The following KAT6B variants were observed in gnomAD, a reference collection of about 807,000 sequenced individuals.
KAT6B encodes the protein lysine acetyltransferase 6B.
In KAT6B, 10 loss-of-function variants were observed where a neutral mutation model predicts 187.5. The observed-to-expected ratio is 0.05, with a 90% CI of 0.03 to 0.09. KAT6B has a LOEUF of 0.09. Among genes scored for constraint, KAT6B ranks in the 10% least tolerant of loss-of-function variants. The pLI is 1.00. For missense variants in KAT6B, 1,952 were observed against 2,558.9 expected (o/e 0.76, Z 5.12); for synonymous variants, 861 against 926.8 (o/e 0.93, Z 1.29).
At chr10:75,003,925 A>C (rs915773775) in intron 13 of KAT6B, among the ~76,000 whole-genome samples, 2 of 152,186 alleles carry the variant, frequency 1.3e-5, no homozygotes, top group Non-Finnish European at 2.9e-5. Context: ...AATAGTTTGT[A>C]TTCATTGCCT....
At chr10:74,839,065 A>AT (rs1841530841) in intron 2 of KAT6B, among the ~76,000 whole-genome samples, 1 of 151,578 alleles carries the variant, frequency 6.6e-6, no homozygotes, top group Non-Finnish European at 1.5e-5. Flanking sequence ...AGGCAGGAGA[A>AT]TTGCTTGAAT....
intron 13 of KAT6B, among the ~76,000 whole-genome samples, chr10:74,993,595 A>G (rs1843245347): frequency 6.6e-6 from 1 of 152,232 alleles, no homozygotes; most frequent in Non-Finnish European, 1.5e-5. Context: ...GCGAGATTAT[A>G]CTGATGTTCT....
intron 3 of KAT6B, among the ~76,000 whole-genome samples, chr10:74,853,993 T>C (rs1842659490): frequency 6.6e-6 from 1 of 152,178 alleles, no homozygotes; most frequent in Admixed American, 6.6e-5. Flanking sequence ...TTGTTTTGTT[T>C]ATAAACTTCC....
At chr10:74,834,097 C>T (rs1841084054) in intron 1 of KAT6B, among the ~76,000 whole-genome samples, 1 of 152,118 alleles carries the variant, frequency 6.6e-6, no homozygotes, top group Non-Finnish European at 1.5e-5. Flanking sequence ...ATGTGCATGC[C>T]CTTCCCTGTG....
At chr10:74,836,762 A>G (rs1015197036) in intron 1 of KAT6B, among the ~76,000 whole-genome samples, 1 of 152,282 alleles carries the variant, frequency 6.6e-6, no homozygotes, top group Middle Eastern at 3.4e-3. Context: ...TCCCCTAAAC[A>G]GTTCTGTTCT....
intron 3 of KAT6B, among the ~76,000 whole-genome samples, chr10:74,959,035 T>TATTAATAAATAAATAA (rs1554833100): frequency 6.9e-6 from 1 of 144,440 alleles, no homozygotes; most frequent in African/African-American, 2.7e-5. Context: ...AGACTCTGTC[T>TATTAATAAATAAATAA]ATAAATAAAT....
intron 12 of KAT6B, 51 bp downstream of exon 12, chr10:74,985,292 G>T (rs1254038247): frequency 6.4e-7 from 1 of 1,569,640 alleles, no homozygotes; most frequent in South Asian, 1.1e-5. Flanking sequence ...AATGTTTTTG[G>T]TAGAGCCCAA....
intron 13 of KAT6B, among the ~76,000 whole-genome samples, chr10:75,011,615 A>G (rs1233427589): frequency 6.6e-6 from 1 of 152,200 alleles, no homozygotes; most frequent in Non-Finnish European, 1.5e-5. Flanking sequence ...AGAGTATAAC[A>G]TCTCTCATTC....
chr10:74,911,764 G>T (rs1040277892), intron 3 of KAT6B, among the ~76,000 whole-genome samples: 3 of 151,878 alleles, frequency 2.0e-5, no homozygotes, highest in Non-Finnish European at 2.9e-5. Flanking sequence ...GAATGTTAGT[G>T]TATTGTGTTT....
At chr10:74,958,031 T>C (rs1241298532) in intron 3 of KAT6B, among the ~76,000 whole-genome samples, 1 of 152,220 alleles carries the variant, frequency 6.6e-6, no homozygotes, top group Non-Finnish European at 1.5e-5. Flanking sequence ...GTGCATATTA[T>C]AAGAACAAAT....
chr10:75,017,897 A>G (rs976705293), intron 13 of KAT6B, among the ~76,000 whole-genome samples: 1 of 152,174 alleles, frequency 6.6e-6, no homozygotes, highest in Non-Finnish European at 1.5e-5. Flanking sequence ...GATCGTTTTG[A>G]TGGATTCTGT....
chr10:75,006,995 G>A lies in KAT6B; in HGVS notation c.2630-13587G>A, dbSNP rs542350900. On this transcript the variant is annotated intron_variant, in intron 13 of 17. Coordinates refer to ENST00000287239, the MANE Select transcript of KAT6B (RefSeq NM_012330.4). ...AGGCAGGAGCATCCCTTGAACCCGG[G>A]AGGCGGAGGTTGCAGTGAGCTGAGA... Among the ~76,000 whole-genome samples, 4 of 151,384 alleles carry A rather than the reference G, an allele frequency of 2.6e-5. No individual in the cohort carries two copies. In the South Asian group the frequency reaches 8.4e-4, roughly 32 times the overall value.
At chr10:74,988,560 T>G (rs1842949878) in intron 12 of KAT6B, among the ~76,000 whole-genome samples, 1 of 152,268 alleles carries the variant, frequency 6.6e-6, no homozygotes, top group African/African-American at 2.4e-5. Context: ...TTAGTTTCAC[T>G]GGGACATTTG....
chr10:75,010,805 A>G (rs1450452912), intron 13 of KAT6B, among the ~76,000 whole-genome samples: 3 of 152,262 alleles, frequency 2.0e-5, no homozygotes, highest in African/African-American at 7.2e-5. Context: ...GTAGAACCTC[A>G]GACCTATAAA....
At chr10:74,914,393 C>T (rs1847494062) in intron 3 of KAT6B, among the ~76,000 whole-genome samples, 1 of 152,074 alleles carries the variant, frequency 6.6e-6, no homozygotes, top group African/African-American at 2.4e-5. Context: ...TCTTTTTTAA[C>T]TGAAGAATTG....
chr10:75,029,579 C>T lies in KAT6B; in HGVS notation c.4755C>T (p.Ala1585=). Residue 1585 remains alanine (A), a synonymous_variant, in exon 18 of 18, where the codon GCC becomes GCT. Transcript: ENST00000287239. The surrounding 1 kb of genome is among the most constrained non-coding windows in gnomAD (Gnocchi z 6.2). The stretch of plus-strand genomic sequence containing the variant: ...GTGCAGACCAAAGTCCACAGATTGC[C>T]ACCACGCTCGACGATTGCCAACAGT... ...YTRADQSPQI[A]TTLDDCQQSD... is the part of the protein sequence containing the mutation. 2.5e-6 allele frequency: 4 copies of T among 1,614,164 alleles called. No homozygotes were observed. The highest frequency in any genetic ancestry group is 3.4e-6 in the Non-Finnish European group (4 of 1,180,038).
chr10:74,969,868 C>T (rs1589726772), intron 5 of KAT6B, 93 bp downstream of exon 5: 1 of 1,065,050 alleles, frequency 9.4e-7, no homozygotes, highest in Admixed American at 1.9e-5. Flanking sequence ...TACTTTCTTT[C>T]TAAAGCTTTA....
intron 4 of KAT6B, among the ~76,000 whole-genome samples, chr10:74,969,098 G>T (rs1841682103): frequency 6.6e-6 from 1 of 152,146 alleles, no homozygotes; most frequent in Non-Finnish European, 1.5e-5. Context: ...TGACCCAGGG[G>T]CAAGATGGCA....
At chr10:74,902,511 T>G (rs1005968995) in intron 3 of KAT6B, among the ~76,000 whole-genome samples, 1 of 152,162 alleles carries the variant, frequency 6.6e-6, no homozygotes, top group African/African-American at 2.4e-5. Context: ...AAAAAACTAA[T>G]AAAAATACAG....
Sources: allele counts gnomAD v4.1 joint callset (sites outside exome capture counted in the v4.1 genomes callset), GRCh38; gene constraint gnomAD v4.1.1; non-coding constraint Gnocchi (gnomAD v3.1); transcripts MANE v1.5; gene names NCBI Gene and HGNC (gene_info 2026-07-23, HGNC 2026-07-21).